The following LEF1 variants were observed in gnomAD, a reference collection of about 807,000 sequenced individuals.
The protein encoded by LEF1 is lymphoid enhancer-binding factor 1.
LEF1 carries 14 observed loss-of-function variants against 51.2 expected under a neutral mutation model. The observed-to-expected ratio is 0.27, with a 90% CI of 0.18 to 0.43. The LOEUF is 0.43. Ranked by LOEUF, LEF1 falls within the 20% of genes least tolerant of loss-of-function variation. The pLI is 1.00. For synonymous variants in LEF1, 185 were observed against 183.2 expected, an observed-to-expected ratio of 1.01 and a Z score of -0.08; for missense variants, 386 against 512.0, an observed-to-expected ratio of 0.75 and a Z score of 2.37.
intron 3 of LEF1, among the ~76,000 whole-genome samples, chr4:108,118,538 A>G (rs1741975439): frequency 6.6e-6 from 1 of 152,248 alleles, no homozygotes; most frequent in African/African-American, 2.4e-5. Context: ...CTAAATATCT[A>G]TGTAAGGCCA....
At chr4:108,077,236 C>T (rs1264892807) in intron 8 of LEF1, among the ~76,000 whole-genome samples, 1 of 152,178 alleles carries the variant, frequency 6.6e-6, no homozygotes. Flanking sequence ...AAGTGAGGAG[C>T]CCCTCTGCCT....
At position 108,137,972 on chromosome 4, in the gene LEF1, T is replaced by C. The variant is rs183408883; in HGVS notation, c.414+25596A>G. ...GAAAAATGTGAACTATGATTTTGCTTTCCTAAATTCCAAATTACTGAAACC... is the reference window on the plus strand; with the variant it reads ...GAAAAATGTGAACTATGATTTTGCTCTCCTAAATTCCAAATTACTGAAACC... On this transcript the variant is annotated intron_variant, in intron 3 of 11. Coordinates refer to ENST00000265165, the MANE Select transcript of LEF1 (RefSeq NM_016269.5). Among the ~76,000 whole-genome samples the C allele has an allele frequency of 4.5e-3, 678 of 152,352 alleles. 6 individuals are homozygous for C. The highest frequency in any genetic ancestry group is 6.6e-3 in the Non-Finnish European group (446 of 68,018).
intron 9 of LEF1, among the ~76,000 whole-genome samples, chr4:108,069,327 T>C (rs1426115980): frequency 1.3e-5 from 2 of 151,858 alleles, no homozygotes; most frequent in African/African-American, 4.9e-5. Context: ...AAATATTAAA[T>C]TAACTTAAGA....
intron 3 of LEF1, among the ~76,000 whole-genome samples, chr4:108,094,240 AG>A (rs1740236140): frequency 6.6e-6 from 1 of 152,224 alleles, no homozygotes; most frequent in African/African-American, 2.4e-5. Flanking sequence ...GAGACAAAGA[AG>A]CACCTCAGCA....
intron 3 of LEF1, among the ~76,000 whole-genome samples, chr4:108,101,767 G>C (rs1466541564): frequency 6.6e-6 from 1 of 152,132 alleles, no homozygotes; most frequent in Non-Finnish European, 1.5e-5. Flanking sequence ...TGACACTATG[G>C]CTAAAAGCAG....
chr4:108,149,049 T>C (rs938059937), intron 3 of LEF1, among the ~76,000 whole-genome samples: 2 of 152,244 alleles, frequency 1.3e-5, no homozygotes, highest in African/African-American at 4.8e-5. Context: ...ATACATGATG[T>C]TGGTGTAAAA....
chr4:108,062,479 A>AG (rs1228168673), intron 11 of LEF1, among the ~76,000 whole-genome samples: 1 of 152,122 alleles, frequency 6.6e-6, no homozygotes, highest in African/African-American at 2.4e-5. Context: ...GGTGAAAGTG[A>AG]GGGGAGGCAG....
At chr4:108,110,675 G>A (rs1282633659) in intron 3 of LEF1, among the ~76,000 whole-genome samples, 1 of 152,114 alleles carries the variant, frequency 6.6e-6, no homozygotes, top group African/African-American at 2.4e-5. Flanking sequence ...TGACAGACCT[G>A]GCCTCAAACC....
At chr4:108,090,692 C>G (rs1236531927) in intron 3 of LEF1, among the ~76,000 whole-genome samples, 1 of 152,168 alleles carries the variant, frequency 6.6e-6, no homozygotes, top group Non-Finnish European at 1.5e-5. Flanking sequence ...CAAACATTAT[C>G]TTTCCTTTGT....
chr4:108,134,865 G>C (rs2110359325), intron 3 of LEF1, among the ~76,000 whole-genome samples: 1 of 152,280 alleles, frequency 6.6e-6, no homozygotes, highest in African/African-American at 2.4e-5. Flanking sequence ...TATACTCAAA[G>C]GGTAATGATA....
chr4:108,128,223 C>T (rs1742666816), intron 3 of LEF1, among the ~76,000 whole-genome samples: 1 of 152,070 alleles, frequency 6.6e-6, no homozygotes, highest in Admixed American at 6.6e-5. Context: ...GCAGAGTTCT[C>T]ACCAAGGAAA....
intron 3 of LEF1, among the ~76,000 whole-genome samples, chr4:108,099,570 G>GTGTGTGTA (rs1266681210): frequency 1.1e-4 from 8 of 70,200 alleles, no homozygotes; most frequent in South Asian, 6.0e-4. Context: ...GTGTGTGTGT[G>GTGTGTGTA]TATATATATA....
intron 3 of LEF1, among the ~76,000 whole-genome samples, chr4:108,101,689 C>T (rs1270460945): frequency 1.3e-5 from 2 of 152,130 alleles, no homozygotes; most frequent in African/African-American, 2.4e-5. Flanking sequence ...CACTGGATTC[C>T]TGCTATCCAC....
intron 3 of LEF1, among the ~76,000 whole-genome samples, chr4:108,109,726 TACTGAATAAG>T (rs1347257123): frequency 2.6e-5 from 4 of 152,286 alleles, no homozygotes; most frequent in Admixed American, 6.5e-5. Flanking sequence ...ACATTCAGGG[TACTGAATAAG>T]ACATTCCCTC....
At chr4:108,136,973 C>G (rs1008221236) in intron 3 of LEF1, among the ~76,000 whole-genome samples, 3 of 152,046 alleles carry the variant, frequency 2.0e-5, no homozygotes, top group Non-Finnish European at 4.4e-5. Flanking sequence ...TTAACCCAGA[C>G]TAAGTTTCTT....
chr4:108,086,388 C>A (rs1189880192), intron 4 of LEF1, among the ~76,000 whole-genome samples: 1 of 152,154 alleles, frequency 6.6e-6, no homozygotes, highest in African/African-American at 2.4e-5. Flanking sequence ...TTGTGCCCAG[C>A]ACATTTCACA....
chr4:108,162,188 C>A (rs1214133390), intron 3 of LEF1, among the ~76,000 whole-genome samples: 1 of 152,046 alleles, frequency 6.6e-6, no homozygotes, highest in African/African-American at 2.4e-5. Context: ...TATGAAATAC[C>A]TATTTCTTAC....
chr4:108,057,018 G>A (rs1737352764), intron 11 of LEF1, among the ~76,000 whole-genome samples: 1 of 151,746 alleles, frequency 6.6e-6, no homozygotes, highest in South Asian at 2.1e-4. Context: ...GCGCAGCCAC[G>A]TGTTGCCCTG....
intron 11 of LEF1, among the ~76,000 whole-genome samples, chr4:108,054,203 C>A (rs551551121): frequency 6.6e-6 from 1 of 152,136 alleles, no homozygotes; most frequent in African/African-American, 2.4e-5. Context: ...GCACTCTGAA[C>A]GTACCAAACC....
Sources: allele counts gnomAD v4.1 joint callset (sites outside exome capture counted in the v4.1 genomes callset), GRCh38; gene constraint gnomAD v4.1.1; transcripts MANE v1.5; gene names NCBI Gene and HGNC (gene_info 2026-07-23, HGNC 2026-07-21).